CPPED1: variants seen among roughly 807,000 people sequenced by gnomAD.
The protein encoded by CPPED1 is calcineurin like phosphoesterase domain containing 1, also known as serine/threonine-protein phosphatase CPPED1.
In CPPED1, 28 loss-of-function variants were observed where a neutral mutation model predicts 28.0. The ratio of observed to expected loss-of-function variants is 1.00; its 90% CI spans 0.74 to 1.37. CPPED1 has a LOEUF of 1.37. Ranked by LOEUF, CPPED1 falls within the 40% of genes most tolerant of loss-of-function variation. The pLI, the probability that CPPED1 is intolerant of heterozygous loss-of-function variation, is 0.00. For synonymous variants in CPPED1, 198 were observed against 180.2 expected (o/e 1.10, Z -0.79); for missense variants, 504 against 416.5 (o/e 1.21, Z -1.83).
chr16:12,718,538 T>TA (rs61306353), intron 2 of CPPED1, among the ~76,000 whole-genome samples: 61,052 of 117,530 alleles, frequency 0.52, 15,893 homozygotes, highest in Admixed American at 0.6. Context: ...GACTCTGTCT[T>TA]AAAAAAAAAA....
At chr16:12,722,416 G>C (rs1421853124) in intron 2 of CPPED1, among the ~76,000 whole-genome samples, 2 of 152,226 alleles carry the variant, frequency 1.3e-5, no homozygotes, top group Admixed American at 6.5e-5. Flanking sequence ...AGAATTTCCT[G>C]CTGGAAAGAC....
intron 2 of CPPED1, among the ~76,000 whole-genome samples, chr16:12,737,463 C>T (rs1166104297): frequency 6.6e-5 from 10 of 152,218 alleles, no homozygotes. Context: ...AGGGCCAGAT[C>T]AGGCAGAGCC....
In CPPED1 at chr16:12,666,244, T is replaced by A. The variant is rs181699902; in HGVS notation, c.716-1129A>T. Among the ~76,000 whole-genome samples the A allele has an allele frequency of 1.3e-3, 194 of 152,138 alleles. 1 individual carries two copies. Among genetic ancestry groups the A allele is most frequent in the African/African-American group, 4.4e-3 (184 of 41,510 alleles). ...GAAACGTAAAACAGAAAACCCAAGG[T>A]CACAGGTAGGCTCAAAAACAAAACA... On this transcript the variant is annotated intron_variant, in intron 3 of 3. Transcript: ENST00000381774.
At chr16:12,783,455 T>C (rs918359927) in intron 1 of CPPED1, among the ~76,000 whole-genome samples, 2 of 151,560 alleles carry the variant, frequency 1.3e-5, no homozygotes, top group African/African-American at 4.8e-5. Context: ...GCCGAAATCA[T>C]GCCACTGCAC....
intron 3 of CPPED1, among the ~76,000 whole-genome samples, chr16:12,683,630 T>C (rs935059645): frequency 6.6e-6 from 1 of 152,140 alleles, no homozygotes; most frequent in South Asian, 2.1e-4. Flanking sequence ...AACCCAGGCA[T>C]GTGGGAGTCA....
chr16:12,670,690 C>G lies in CPPED1; in HGVS notation c.716-5575G>C, dbSNP rs1485826613. Among the ~76,000 whole-genome samples the G allele has an allele frequency of 6.6e-6, 1 of 152,062 alleles. No homozygotes were observed. Among genetic ancestry groups the G allele is most frequent in the Non-Finnish European group, 1.5e-5 (1 of 68,012 alleles). ...CAGAGAAAAACATCAGACACATTCC[C>G]AAGAGAGACACATTGTATCAAATAC... On this transcript the variant is annotated intron_variant, in intron 3 of 3. Coordinates refer to ENST00000381774, the MANE Select transcript of CPPED1 (RefSeq NM_018340.3). The surrounding 1 kb of genome is among the most constrained non-coding windows in gnomAD (Gnocchi z 4.2).
chr16:12,799,986 A>T (rs1338057753), intron 1 of CPPED1, among the ~76,000 whole-genome samples: 2 of 152,108 alleles, frequency 1.3e-5, no homozygotes, highest in Non-Finnish European at 2.9e-5. Flanking sequence ...CAGCATCCCC[A>T]TTCTTATCCA....
intron 3 of CPPED1, among the ~76,000 whole-genome samples, chr16:12,696,148 T>C (rs1233647727): frequency 6.6e-6 from 1 of 152,184 alleles, no homozygotes; most frequent in African/African-American, 2.4e-5. Context: ...TTACTTCCTA[T>C]AGTTTGCATT....
chr16:12,734,295 C>A (rs1335010691), intron 2 of CPPED1, among the ~76,000 whole-genome samples: 1 of 152,060 alleles, frequency 6.6e-6, no homozygotes, highest in Non-Finnish European at 1.5e-5. Flanking sequence ...ATCTCGAACT[C>A]CTGGCCTCAA....
intron 3 of CPPED1, among the ~76,000 whole-genome samples, chr16:12,686,783 A>G (rs2079935684): frequency 6.6e-6 from 1 of 152,256 alleles, no homozygotes. Flanking sequence ...TTGGCAACTG[A>G]AAACAAAGAC....
intron 2 of CPPED1, among the ~76,000 whole-genome samples, chr16:12,748,026 T>G (rs550772838): frequency 3.3e-5 from 5 of 152,162 alleles, no homozygotes; most frequent in Non-Finnish European, 5.9e-5. Context: ...AAACAGCCAG[T>G]GGACATTCGC....
chr16:12,801,706 G>A (rs950673930), intron 1 of CPPED1, among the ~76,000 whole-genome samples: 4 of 152,130 alleles, frequency 2.6e-5, no homozygotes, highest in Non-Finnish European at 5.9e-5. Context: ...CAACTAAATG[G>A]CCATTGTATT....
chr16:12,665,869 G>A (rs2079822877), intron 3 of CPPED1, among the ~76,000 whole-genome samples: 1 of 152,168 alleles, frequency 6.6e-6, no homozygotes, highest in Non-Finnish European at 1.5e-5. Context: ...AGGTTGCAGT[G>A]AGCCAAGATC....
chr16:12,667,930 G>A (rs1299401475), intron 3 of CPPED1, among the ~76,000 whole-genome samples: 1 of 152,132 alleles, frequency 6.6e-6, no homozygotes, highest in Non-Finnish European at 1.5e-5. Flanking sequence ...CTGACATATG[G>A]TGCAATAAAA....
At chr16:12,795,346 C>G (rs992807784) in intron 1 of CPPED1, among the ~76,000 whole-genome samples, 1 of 151,588 alleles carries the variant, frequency 6.6e-6, no homozygotes, top group Non-Finnish European at 1.5e-5. Flanking sequence ...TGTAGTCATG[C>G]AACTTTTTTT....
At chr16:12,752,973 A>T (rs2080340145) in intron 2 of CPPED1, 1 of 151,680 alleles carries the variant, frequency 6.6e-6, no homozygotes. Flanking sequence ...ATAAACTCCA[A>T]ACTCTCTTGC....
intron 2 of CPPED1, among the ~76,000 whole-genome samples, chr16:12,727,566 C>T (rs1011742114): frequency 2.0e-5 from 3 of 152,138 alleles, no homozygotes; most frequent in Non-Finnish European, 4.4e-5. Context: ...TCAGGTTGGT[C>T]TTGAACTCCT....
intron 2 of CPPED1, among the ~76,000 whole-genome samples, chr16:12,770,776 C>G (rs544830084): frequency 6.6e-6 from 1 of 151,504 alleles, no homozygotes; most frequent in Non-Finnish European, 1.5e-5. Flanking sequence ...GAGCCGAGAT[C>G]GCGCCATTGC....
chr16:12,741,782 G>A (rs1349449982), intron 2 of CPPED1, among the ~76,000 whole-genome samples: 1 of 152,178 alleles, frequency 6.6e-6, no homozygotes, highest in Non-Finnish European at 1.5e-5. Context: ...CTGGCGTGGT[G>A]GTTCACGCCC....
Sources: gnomAD v4.1 joint callset for allele counts (sites outside exome capture counted in the v4.1 genomes callset) on GRCh38, gnomAD v4.1.1 for gene constraint, Gnocchi (gnomAD v3.1) non-coding constraint, MANE v1.5 for transcripts, NCBI Gene and HGNC (gene_info 2026-07-23, HGNC 2026-07-21) for gene names.